NDST1: variants seen among roughly 807,000 people sequenced by gnomAD.
The protein encoded by NDST1 is bifunctional heparan sulfate N-deacetylase/N-sulfotransferase 1.
In NDST1, 35 loss-of-function variants were observed where a neutral mutation model predicts 92.8. The ratio of observed to expected loss-of-function variants is 0.38; its 90% CI spans 0.29 to 0.50. The LOEUF (loss-of-function observed/expected upper bound fraction) is 0.50. NDST1 is among the 20% of genes least tolerant of loss of function. NDST1 has a pLI of 0.94. For synonymous variants in NDST1, 493 were observed against 500.3 expected (o/e 0.99, Z 0.19); for missense variants, 822 against 1,182.7 (o/e 0.69, Z 4.47).
chr5:150,544,508 A>C (rs1052363597), intron 10 of NDST1, among the ~76,000 whole-genome samples: 2 of 152,336 alleles, frequency 1.3e-5, no homozygotes, highest in Middle Eastern at 3.4e-3. Flanking sequence ...GGAATCCAGC[A>C]GGCCCCCAGA....
At position 150,527,904 on chromosome 5, in the gene NDST1, C is replaced by T. The variant is rs991860618; in HGVS notation, c.614C>T (p.Pro205Leu). 1.1e-5 allele frequency: 18 copies of T among 1,614,054 alleles called. No individual in the cohort carries two copies. The highest frequency in any genetic ancestry group is 1.6e-4 in the Middle Eastern group (1 of 6,084). Residue 205 changes from proline to leucine, a missense_variant, in exon 3 of 15, where the codon CCG (proline) becomes CTG (leucine). By Grantham distance (98) the Pro-to-Leu change is moderately conservative (BLOSUM62 -3). Transcript: ENST00000261797. ...LKDCSINPKSPLLYVTRPSEV... is the reference protein window; with the variant it reads ...LKDCSINPKSLLLYVTRPSEV... ...GACTGCAGCATCAACCCCAAGTCCC[C>T]GCTGCTCTACGTGACGCGACCTAGC...
chr5:150,507,824 C>G (rs1753530862), upstream of NDST1: 1 of 152,386 alleles, frequency 6.6e-6, no homozygotes, highest in African/African-American at 2.4e-5. Context: ...AGAAGACCCA[C>G]TAGCATGAGG....
chr5:150,528,448 G>A, intron 3 of NDST1, 150 bp downstream of exon 3: 1 of 912,248 alleles, frequency 1.1e-6, no homozygotes, highest in Non-Finnish European at 1.6e-6. Flanking sequence ...TGTCCTGCCA[G>A]TTGGTTCTTA....
chr5:150,520,366 T>C (rs1003587689), intron 1 of NDST1, among the ~76,000 whole-genome samples: 2 of 151,478 alleles, frequency 1.3e-5, no homozygotes, highest in Admixed American at 6.6e-5. Flanking sequence ...AGTCTTTTCA[T>C]CTATCATATG....
chr5:150,514,984 G>A (rs867549033), intron 1 of NDST1, among the ~76,000 whole-genome samples: 22 of 152,332 alleles, frequency 1.4e-4, no homozygotes, highest in East Asian at 1.3e-3. Flanking sequence ...TGTGTGTGCC[G>A]GGTGCTGGTG....
At chr5:150,511,690 A>G (rs1356625264) in intron 1 of NDST1, among the ~76,000 whole-genome samples, 3 of 151,928 alleles carry the variant, frequency 2.0e-5, no homozygotes, top group Admixed American at 6.6e-5. Flanking sequence ...CTCTGGGGTG[A>G]CTGACAGGCG....
At chr5:150,530,276 C>A (rs1045624731) in intron 3 of NDST1, among the ~76,000 whole-genome samples, 1 of 152,194 alleles carries the variant, frequency 6.6e-6, no homozygotes, top group Non-Finnish European at 1.5e-5. Flanking sequence ...CTTAAAGGCT[C>A]TCCTGTTTAA....
chr5:150,545,251 A>C, intron 10 of NDST1, 61 bp from the exon 11 acceptor site: 1 of 1,592,590 alleles, frequency 6.3e-7, no homozygotes, highest in Non-Finnish European at 8.6e-7. Context: ...CTTGTGCTGC[A>C]TTCCCTTAGC....
At chr5:150,500,144 T>A (rs2151233151) in intron 1 of NDST1, among the ~76,000 whole-genome samples, 1 of 152,332 alleles carries the variant, frequency 6.6e-6, no homozygotes, top group East Asian at 1.9e-4. Flanking sequence ...GAAGAGGTCT[T>A]AGCTGAGAGG....
chr5:150,507,447 G>C (rs1040479222), upstream of NDST1, among the ~76,000 whole-genome samples: 2 of 152,216 alleles, frequency 1.3e-5, no homozygotes, highest in African/African-American at 4.8e-5. Context: ...CTGTGTGACC[G>C]TGGCCAAGTT....
Position 150,537,017 on chromosome 5 carries a change from G to A in NDST1, c.1437+1132G>A, listed in dbSNP as rs564655120. On this transcript the variant is annotated intron_variant, in intron 6 of 14. Coordinates refer to ENST00000261797, the MANE Select transcript of NDST1 (RefSeq NM_001543.5). Reference sequence around the variant, plus strand: ...GGGAAGTCAGGGACCCCGAACAGAGGGACTGGCTGAAGCCATGGCAGAAGA... The same window carrying A: ...GGGAAGTCAGGGACCCCGAACAGAGAGACTGGCTGAAGCCATGGCAGAAGA... Among the ~76,000 whole-genome samples the A allele has an allele frequency of 7.9e-5, 12 of 152,322 alleles. No homozygotes were observed. The South Asian group carries it at 2.1e-3, about 26-fold the overall frequency.
chr5:150,543,816 G>T (rs1443543467), intron 10 of NDST1, among the ~76,000 whole-genome samples: 1 of 150,366 alleles, frequency 6.7e-6, no homozygotes, highest in Non-Finnish European at 1.5e-5. Context: ...ATCTCGCTCT[G>T]TCACCCAGGC....
chr5:150,509,024 G>T (rs1040023295), intron 1 of NDST1, among the ~76,000 whole-genome samples: 17 of 152,154 alleles, frequency 1.1e-4, no homozygotes, highest in African/African-American at 2.9e-4. Flanking sequence ...ACAAGCTGGG[G>T]AAGCTTGGCT....
intron 6 of NDST1, among the ~76,000 whole-genome samples, chr5:150,536,463 G>A (rs980373977): frequency 6.6e-5 from 10 of 151,134 alleles, no homozygotes; most frequent in African/African-American, 1.7e-4. Flanking sequence ...CCAAGATTGC[G>A]CCACTGCACT....
At chr5:150,512,537 C>T (rs1293618821) in intron 1 of NDST1, among the ~76,000 whole-genome samples, 2 of 152,246 alleles carry the variant, frequency 1.3e-5, no homozygotes, top group Non-Finnish European at 2.9e-5. Context: ...TTGTTCCGCA[C>T]TCCCAGAAAG....
intron 2 of NDST1, among the ~76,000 whole-genome samples, chr5:150,522,286 C>A (rs532330304): frequency 6.6e-6 from 1 of 152,166 alleles, no homozygotes; most frequent in South Asian, 2.1e-4. Flanking sequence ...CGTTAATATA[C>A]CTCCTGACCC....
intron 13 of NDST1, among the ~76,000 whole-genome samples, chr5:150,551,183 G>A (rs1755709750): frequency 1.3e-5 from 2 of 152,226 alleles, no homozygotes; most frequent in South Asian, 4.1e-4. Flanking sequence ...TCCCAAAAAT[G>A]CCTTTGAAGA....
At position 150,553,137 on chromosome 5, in the gene NDST1, G is replaced by A. The variant is rs577639651; in HGVS notation, c.2530-76G>A. 1.1e-4 allele frequency: 168 copies of A among 1,533,724 alleles called. No individual in the cohort carries two copies. In the Middle Eastern group the frequency reaches 4.7e-3, roughly 43 times the overall value. On this transcript the variant is annotated intron_variant, in intron 14 of 14. Coordinates refer to ENST00000261797, the MANE Select transcript of NDST1 (RefSeq NM_001543.5). This position sits in a 1 kb window ranked among gnomAD's most constrained non-coding sequence, Gnocchi z 4.2. ...ATTACAGGCATGAGCCACCGTGCCCGGCCGAGCATGGCGATTTTTAGAGGA... is the reference window on the plus strand; with the variant it reads ...ATTACAGGCATGAGCCACCGTGCCCAGCCGAGCATGGCGATTTTTAGAGGA...
intron 3 of NDST1, 47 bp from the exon 4 acceptor site, chr5:150,532,898 G>A: frequency 1.3e-6 from 2 of 1,535,076 alleles, no homozygotes; most frequent in South Asian, 2.2e-5. Flanking sequence ...AAAGCAGGGA[G>A]CTCCTGGCTT....
Sources: allele counts gnomAD v4.1 joint callset (sites outside exome capture counted in the v4.1 genomes callset), GRCh38; gene constraint gnomAD v4.1.1; non-coding constraint Gnocchi (gnomAD v3.1); transcripts MANE v1.5; gene names NCBI Gene and HGNC (gene_info 2026-07-23, HGNC 2026-07-21).